Variants in AKR1E2 observed in about 807,000 individuals in gnomAD.
AKR1E2 encodes aldo-keto reductase family 1 member E2.
A neutral mutation model predicts 41.9 loss-of-function variants in AKR1E2; 43 were observed. That is an observed-to-expected ratio of 1.03 (90% CI 0.80 to 1.32). The LOEUF (loss-of-function observed/expected upper bound fraction) is 1.32, where lower values mean the gene tolerates loss of function less well. Ranked by LOEUF, AKR1E2 falls within the 40% of genes most tolerant of loss-of-function variation. The pLI is 0.00. For synonymous variants in AKR1E2, 121 were observed against 138.9 expected, an observed-to-expected ratio of 0.87 and a Z score of 0.91; for missense variants, 423 against 396.5, an observed-to-expected ratio of 1.07 and a Z score of -0.57.
chr10:4,868,286 T>C, the AKR1E2 span, among the ~76,000 whole-genome samples: 2 of 152,140 alleles, frequency 1.3e-5, no homozygotes, highest in Non-Finnish European at 2.9e-5. Flanking sequence ...TTTATTCCTT[T>C]CTCTATATGG....
the AKR1E2 span, among the ~76,000 whole-genome samples, chr10:4,859,996 C>T: frequency 1.3e-5 from 2 of 152,178 alleles, no homozygotes; most frequent in African/African-American, 4.8e-5. Context: ...CATCTTAGCT[C>T]CTGAGGCAGG....
chr10:4,833,478 T>C lies in AKR1E2; in HGVS notation c.324+12T>C, dbSNP rs1429929676. 6.2e-6 allele frequency: 10 copies of C among 1,605,948 alleles called. No homozygotes were observed. Among genetic ancestry groups the C allele is most frequent in the Admixed American group, 3.3e-5 (2 of 59,984 alleles). ...CCATGGGTTTCAAGGTACCGTTCAG[T>C]AGGTAGTTCGTTCTGCAGTTTGCAG... On this transcript the variant is annotated intron_variant, in intron 3 of 9. Coordinates refer to ENST00000298375, the MANE Select transcript of AKR1E2 (RefSeq NM_001040177.3).
At chr10:4,872,510 G>A in the AKR1E2 span, among the ~76,000 whole-genome samples, 4 of 152,102 alleles carry the variant, frequency 2.6e-5, no homozygotes, top group Admixed American at 6.6e-5. Context: ...TGTATATGAA[G>A]TAATAATTTT....
the AKR1E2 span, among the ~76,000 whole-genome samples, chr10:4,861,006 A>G: frequency 6.6e-6 from 1 of 152,182 alleles, no homozygotes. Flanking sequence ...CCATTTGTAT[A>G]ATTTTTGAAA....
chr10:4,855,965 ACAGT>A, the AKR1E2 span, among the ~76,000 whole-genome samples: 9 of 152,156 alleles, frequency 5.9e-5, no homozygotes, highest in Non-Finnish European at 8.8e-5. Flanking sequence ...TGTGCAGGAA[ACAGT>A]CAGCCCTTAC....
chr10:4,845,747 C>A (rs1258020829), intron 8 of AKR1E2: 2 of 471,126 alleles, frequency 4.2e-6, no homozygotes, highest in Non-Finnish European at 8.8e-6. Flanking sequence ...GGACCTTGGG[C>A]CCAGCTGAGA....
chr10:4,867,675 C>T, the AKR1E2 span, among the ~76,000 whole-genome samples: 1 of 152,190 alleles, frequency 6.6e-6, no homozygotes, highest in Non-Finnish European at 1.5e-5. Context: ...CGCCATTCAT[C>T]CGTTGAAGAA....
chr10:4,836,093 C>G (rs913668861), intron 4 of AKR1E2, among the ~76,000 whole-genome samples: 12 of 152,008 alleles, frequency 7.9e-5, no homozygotes. Flanking sequence ...TATTAAAAAC[C>G]ATATTTATTT....
At chr10:4,841,554 C>T (rs1236229918) in intron 6 of AKR1E2, among the ~76,000 whole-genome samples, 1 of 152,166 alleles carries the variant, frequency 6.6e-6, no homozygotes, top group Non-Finnish European at 1.5e-5. Flanking sequence ...ACACCAAATA[C>T]ACATGAAAAG....
At chr10:4,850,378 T>C (rs1188089382), downstream of AKR1E2, among the ~76,000 whole-genome samples, 2 of 152,208 alleles carry the variant, frequency 1.3e-5, no homozygotes, top group Non-Finnish European at 2.9e-5. Flanking sequence ...TAAGTGGTAA[T>C]CAAAGGCTTA....
chr10:4,835,951 T>G, intron 4 of AKR1E2, 142 bp downstream of exon 4: 1 of 1,213,816 alleles, frequency 8.2e-7, no homozygotes, highest in East Asian at 2.5e-5. Flanking sequence ...AAGGAATCAA[T>G]ACCCGAAGAA....
At chr10:4,827,210 A>G (rs1193798455) in intron 1 of AKR1E2, among the ~76,000 whole-genome samples, 1 of 152,146 alleles carries the variant, frequency 6.6e-6, no homozygotes, top group Non-Finnish European at 1.5e-5. Flanking sequence ...CGCTCTGTGC[A>G]TTTATGGGGT....
intron 2 of AKR1E2, among the ~76,000 whole-genome samples, chr10:4,832,322 G>C (rs548802924): frequency 6.6e-6 from 1 of 152,180 alleles, no homozygotes; most frequent in African/African-American, 2.4e-5. Context: ...ATTGCCTTCT[G>C]TTTTACTTTA....
chr10:4,852,877 C>G (rs532727285), downstream of AKR1E2, among the ~76,000 whole-genome samples: 11 of 152,292 alleles, frequency 7.2e-5, no homozygotes, highest in African/African-American at 2.6e-4. Context: ...CTCTCCAGGA[C>G]TTTTCCTTCT....
chr10:4,854,085 GTTTTT>G, the AKR1E2 span, among the ~76,000 whole-genome samples: 34,305 of 129,354 alleles, frequency 0.27, 4,289 homozygotes, highest in Middle Eastern at 0.39. Flanking sequence ...CTCCTTTACT[GTTTTT>G]TTTTTTTTTT....
the AKR1E2 span, among the ~76,000 whole-genome samples, chr10:4,863,368 C>T: frequency 6.6e-6 from 1 of 151,912 alleles, no homozygotes; most frequent in African/African-American, 2.4e-5. Flanking sequence ...CTACTGGGTA[C>T]ATAACAAAAT....
the AKR1E2 span, among the ~76,000 whole-genome samples, chr10:4,864,635 A>C: frequency 6.6e-6 from 1 of 152,196 alleles, no homozygotes; most frequent in Non-Finnish European, 1.5e-5. Flanking sequence ...AAAGAAATAG[A>C]AGGTATTCAA....
intron 4 of AKR1E2, among the ~76,000 whole-genome samples, chr10:4,837,081 A>T (rs1363136137): frequency 6.6e-6 from 1 of 152,258 alleles, no homozygotes. Context: ...CGCAGCAGAC[A>T]TGCTTGCCAG....
At position 4,831,001 on chromosome 10, in the gene AKR1E2, G is replaced by T. The variant is rs1832926259; in HGVS notation, c.207+159G>T. 2.0e-5 allele frequency among the ~76,000 whole-genome samples: 3 copies of T among 152,192 alleles called. No homozygotes were observed. In the South Asian group the frequency reaches 6.2e-4, roughly 31 times the overall value. Reference sequence around the variant, plus strand: ...ATGAGCATGCTGAATTATATTGTGTGCAGGTTTGTTTCATATTATTTACTT... The same window carrying T: ...ATGAGCATGCTGAATTATATTGTGTTCAGGTTTGTTTCATATTATTTACTT... On this transcript the variant is annotated intron_variant, in intron 2 of 9. Transcript: ENST00000298375.
Sources: allele counts gnomAD v4.1 joint callset (sites outside exome capture counted in the v4.1 genomes callset), GRCh38; gene constraint gnomAD v4.1.1; transcripts MANE v1.5; gene names NCBI Gene and HGNC (gene_info 2026-07-23, HGNC 2026-07-21).